Variants in DNAAF9 observed in about 807,000 individuals in gnomAD.
DNAAF9 encodes the protein shulin.
DNAAF9 carries 90 observed loss-of-function variants against 167.0 expected under a neutral mutation model. That is an observed-to-expected ratio of 0.54 (90% CI 0.45 to 0.64). DNAAF9 has a LOEUF of 0.64. Ranked by LOEUF, DNAAF9 falls within the 30% of genes least tolerant of loss-of-function variation. DNAAF9 has a pLI of 0.00. For synonymous variants in DNAAF9, 491 were observed against 508.8 expected (o/e 0.96, Z 0.47); for missense variants, 1,315 against 1,442.2 (o/e 0.91, Z 1.43).
intron 31 of DNAAF9, among the ~76,000 whole-genome samples, chr20:3,260,807 T>C (rs542297579): frequency 1.3e-5 from 2 of 152,328 alleles, no homozygotes; most frequent in African/African-American, 4.8e-5. Context: ...AATTTTTGTA[T>C]TGTTTGTAGA....
At chr20:3,385,007 T>C (rs1442983450) in intron 1 of DNAAF9, among the ~76,000 whole-genome samples, 2 of 151,998 alleles carry the variant, frequency 1.3e-5, no homozygotes, top group African/African-American at 2.4e-5. Context: ...GTCTCTATTA[T>C]GCATCAATTA....
intron 20 of DNAAF9, among the ~76,000 whole-genome samples, chr20:3,305,410 A>C (rs777220112): frequency 6.6e-5 from 10 of 152,166 alleles, no homozygotes; most frequent in Non-Finnish European, 1.5e-4. Flanking sequence ...ATATAGAGGG[A>C]GATGAAGTAG....
intron 23 of DNAAF9, chr20:3,296,404 G>A (rs2069080088): frequency 5.5e-5 from 18 of 325,724 alleles, no homozygotes; most frequent in South Asian, 4.8e-4. Context: ...TTGAGAAAGG[G>A]TCTTGTTTCA....
intron 1 of DNAAF9, among the ~76,000 whole-genome samples, chr20:3,383,288 T>TA (rs2083687756): frequency 6.7e-6 from 1 of 149,710 alleles, no homozygotes; most frequent in Non-Finnish European, 1.5e-5. Flanking sequence ...TTTTTTTTTT[T>TA]TTTGAGATGG....
rs1409808112 is a variant in DNAAF9 at position 3,328,221 on chromosome 20, A to C, written c.1101-1937T>G. Among the ~76,000 whole-genome samples the C allele has an allele frequency of 1.8e-4, 23 of 124,644 alleles. No individual in the cohort carries two copies. In the Admixed American group the frequency reaches 1.9e-3, roughly 10 times the overall value. The allele number at this position is 124,644 out of a possible 152,430, so 81.8% of individuals were successfully genotyped here. ...TTTTGAGATGGAGTCTTGCTCTGTC[A>C]CCCAGGCTAGAGTACACTGGTGCGA... On this transcript the variant is annotated intron_variant, in intron 12 of 36. Transcript: ENST00000252032.
intron 1 of DNAAF9, among the ~76,000 whole-genome samples, chr20:3,389,946 G>C (rs531348906): frequency 2.0e-5 from 3 of 150,852 alleles, no homozygotes. Context: ...TGAGGCAGGA[G>C]AATCACTGGA....
intron 7 of DNAAF9, among the ~76,000 whole-genome samples, chr20:3,356,420 A>G (rs538417635): frequency 2.6e-5 from 4 of 152,190 alleles, no homozygotes. Flanking sequence ...GTTCCTGGTA[A>G]TTTCTCTGCC....
At chr20:3,302,641 A>G (rs940141308) in intron 21 of DNAAF9, among the ~76,000 whole-genome samples, 2 of 152,252 alleles carry the variant, frequency 1.3e-5, no homozygotes, top group African/African-American at 4.8e-5. Context: ...CACAACATGG[A>G]TGAATCTAAA....
chr20:3,312,998 G>C (rs556613194), intron 20 of DNAAF9, among the ~76,000 whole-genome samples: 2 of 152,280 alleles, frequency 1.3e-5, no homozygotes, highest in South Asian at 4.1e-4. Context: ...GAGACCTTAG[G>C]ATACACTGAA....
Position 3,255,207 on chromosome 20 carries a change from C to T in DNAAF9, c.3327+12G>A. On this transcript the variant is annotated intron_variant, in intron 35 of 36. Transcript: ENST00000252032. ...GGGCCACCGAGGGGAGAAGCCAGGGCAAGGCACTCACGTGGATGCTCCTGA... is the reference window on the plus strand; with the variant it reads ...GGGCCACCGAGGGGAGAAGCCAGGGTAAGGCACTCACGTGGATGCTCCTGA... 6.5e-7 allele frequency: 1 copy of T among 1,537,104 alleles called. No individual in the cohort carries two copies. The highest frequency in any genetic ancestry group is 8.8e-7 in the Non-Finnish European group (1 of 1,133,966).
chr20:3,262,965 C>CTTTT (rs796491974), intron 31 of DNAAF9, among the ~76,000 whole-genome samples: 12 of 81,284 alleles, frequency 1.5e-4, no homozygotes, highest in Non-Finnish European at 2.4e-4. Flanking sequence ...CATAGCAGAT[C>CTTTT]TTTTTTTTTT....
At chr20:3,287,482 T>C (rs1380490048) in intron 27 of DNAAF9, 150 bp downstream of exon 27, 1 of 749,244 alleles carries the variant, frequency 1.3e-6, no homozygotes, top group Admixed American at 2.2e-5. Context: ...GGCAATAGGG[T>C]CATTGCTCGC....
At chr20:3,299,098 G>A (rs1285035892) in intron 21 of DNAAF9, among the ~76,000 whole-genome samples, 10 of 151,266 alleles carry the variant, frequency 6.6e-5, no homozygotes, top group Non-Finnish European at 1.2e-4. Context: ...CAGTAGAGAC[G>A]GGGTTTCACT....
At chr20:3,355,910 G>T (rs2083280120) in intron 7 of DNAAF9, among the ~76,000 whole-genome samples, 1 of 150,668 alleles carries the variant, frequency 6.6e-6, no homozygotes, top group Non-Finnish European at 1.5e-5. Flanking sequence ...CAGATCCAGT[G>T]CCGTCTGAAT....
At chr20:3,257,756 G>A (rs1485387142) in intron 33 of DNAAF9, among the ~76,000 whole-genome samples, 1 of 151,930 alleles carries the variant, frequency 6.6e-6, no homozygotes, top group African/African-American at 2.4e-5. Context: ...CCAAGCTGGA[G>A]TGCAGTGGTA....
Position 3,322,716 on chromosome 20 carries a change from C to G in DNAAF9, c.1266-20G>C. On this transcript the variant is annotated intron_variant, in intron 14 of 36. Transcript: ENST00000252032. The stretch of plus-strand genomic sequence containing the variant: ...TTGGAGCTGTAGACCAGAAACAAAA[C>G]AAAAGAAAAATCAGTCTGCTCCTGC... The G allele has an allele frequency of 6.2e-7, 1 of 1,604,026 alleles. No homozygotes were observed. The highest frequency in any genetic ancestry group is 1.1e-5 in the South Asian group (1 of 90,868).
chr20:3,258,086 G>A (rs1215435003), intron 33 of DNAAF9, among the ~76,000 whole-genome samples: 1 of 90,056 alleles, frequency 1.1e-5, no homozygotes, highest in Non-Finnish European at 2.3e-5. Context: ...GGCTGGTCTC[G>A]AACTCCTGAC....
intron 1 of DNAAF9, among the ~76,000 whole-genome samples, chr20:3,390,867 A>C (rs1421474106): frequency 6.6e-6 from 1 of 152,186 alleles, no homozygotes; most frequent in Non-Finnish European, 1.5e-5. Flanking sequence ...CATTCTCTGC[A>C]CTAGAAATAG....
chr20:3,334,997 A>C (rs913733836), intron 10 of DNAAF9, among the ~76,000 whole-genome samples: 2 of 152,234 alleles, frequency 1.3e-5, no homozygotes, highest in African/African-American at 2.4e-5. Context: ...AGGATTACTG[A>C]CTTAATGAGT....
Sources: allele counts gnomAD v4.1 joint callset (sites outside exome capture counted in the v4.1 genomes callset), GRCh38; gene constraint gnomAD v4.1.1; transcripts MANE v1.5; gene names NCBI Gene and HGNC (gene_info 2026-07-23, HGNC 2026-07-21).